Variants in CDK5RAP2 observed in about 807,000 individuals in gnomAD.
CDK5RAP2 encodes CDK5 regulatory subunit associated protein 2.
A neutral mutation model predicts 232.9 loss-of-function variants in CDK5RAP2; 147 were observed. The observed-to-expected ratio is 0.63, with a 90% CI of 0.55 to 0.72. The LOEUF is 0.72. Ranked by LOEUF, CDK5RAP2 falls within the 30% of genes least tolerant of loss-of-function variation. The pLI, the probability that CDK5RAP2 is intolerant of heterozygous loss-of-function variation, is 0.00. For missense variants in CDK5RAP2, 2,195 were observed against 2,231.5 expected (o/e 0.98, Z 0.33); for synonymous variants, 833 against 833.7 (o/e 1.00, Z 0.01).
intron 12 of CDK5RAP2, among the ~76,000 whole-genome samples, chr9:120,498,427 CA>C (rs966957159): frequency 2.0e-5 from 3 of 152,150 alleles, no homozygotes; most frequent in African/African-American, 7.2e-5. Context: ...TCATAAAAGA[CA>C]AAAGCTGAGC....
intron 3 of CDK5RAP2, among the ~76,000 whole-genome samples, chr9:120,555,714 A>G (rs1172699668): frequency 6.6e-6 from 1 of 152,246 alleles, no homozygotes; most frequent in African/African-American, 2.4e-5. Flanking sequence ...TATTTATCCT[A>G]GAGACATGAA....
chr9:120,401,240 AGCAATAAATGGTTT>A (rs2131261383), intron 34 of CDK5RAP2, among the ~76,000 whole-genome samples: 1 of 152,176 alleles, frequency 6.6e-6, no homozygotes, highest in South Asian at 2.1e-4. Context: ...ACCAACAGCA[AGCAATAAATGGTTT>A]GCCTTTACTG....
At chr9:120,389,615 A>G (rs1443585313) in intron 37 of CDK5RAP2, 126 bp downstream of exon 37, 10 of 910,386 alleles carry the variant, frequency 1.1e-5, no homozygotes, top group Non-Finnish European at 1.8e-5. Flanking sequence ...GCTGGCAGAA[A>G]CAACTCTCTG....
At chr9:120,409,464 T>C (rs975470213) in intron 29 of CDK5RAP2, 148 bp from the exon 30 acceptor site, 1 of 677,612 alleles carries the variant, frequency 1.5e-6, no homozygotes, top group Admixed American at 2.5e-5. Flanking sequence ...TTACACACTT[T>C]GGGCAGATAA....
intron 19 of CDK5RAP2, 94 bp downstream of exon 19, chr9:120,460,478 A>T: frequency 8.7e-7 from 1 of 1,152,634 alleles, no homozygotes; most frequent in Admixed American, 1.9e-5. Context: ...AGGCAGAATG[A>T]ACAGAAAACC....
chr9:120,441,792 G>A (rs2035913124), intron 23 of CDK5RAP2, among the ~76,000 whole-genome samples: 1 of 152,124 alleles, frequency 6.6e-6, no homozygotes. Flanking sequence ...TCCTAATACA[G>A]TATTTTTATT....
At chr9:120,471,579 G>A (rs947543924) in intron 16 of CDK5RAP2, among the ~76,000 whole-genome samples, 169 bp downstream of exon 16, 2 of 152,144 alleles carry the variant, frequency 1.3e-5, no homozygotes, top group Non-Finnish European at 2.9e-5. Context: ...AACTTACTGG[G>A]CTCTTCTACT....
intron 26 of CDK5RAP2, 79 bp from the exon 27 acceptor site, chr9:120,420,039 G>T (rs920896776): frequency 8.6e-7 from 1 of 1,161,200 alleles, no homozygotes; most frequent in Admixed American, 1.7e-5. Flanking sequence ...GAATACTTAC[G>T]ATTACTTTAC....
intron 22 of CDK5RAP2, among the ~76,000 whole-genome samples, chr9:120,446,775 C>A (rs982701179): frequency 1.3e-5 from 2 of 152,156 alleles, no homozygotes; most frequent in Non-Finnish European, 2.9e-5. Flanking sequence ...CCTTTGCCTT[C>A]TTCCTTCTTC....
At position 120,419,934 on chromosome 9, in the gene CDK5RAP2, T is replaced by C; in HGVS notation, c.4031A>G (p.Gln1344Arg). 1 of 1,614,058 alleles carries C rather than the reference T, an allele frequency of 6.2e-7. No individual in the cohort carries two copies. Among genetic ancestry groups the C allele is most frequent in the Non-Finnish European group, 8.5e-7 (1 of 1,179,914 alleles). ...CTCAGGAGATTCAGGCAGAAGATGT[T>C]GGTAGGTTAAGTTGTCTTCCTCAAT... ...ERIEEDNLTY[Q>R]HLLPESPEPS... Residue 1344 changes from glutamine (Q) to arginine (R), a missense_variant, in exon 27 of 38, where the codon CAA (glutamine) becomes CGA (arginine). Physicochemically the swap from Gln to Arg is conservative, Grantham distance 43. Coordinates refer to ENST00000349780, the MANE Select transcript of CDK5RAP2 (RefSeq NM_018249.6).
chr9:120,497,421 T>TAAAAAAAAAAAA lies in CDK5RAP2; in HGVS notation c.1312-5956_1312-5945dup, dbSNP rs71385064. ...AGAATTATCAATAAAAAAATAAATT[T>TAAAAAAAAAAAA]AAAAAAAAAAAAAAAAAAAAAAAAA... is the stretch of plus-strand genomic sequence containing the variant. On this transcript the variant is annotated intron_variant, in intron 12 of 37. Transcript: ENST00000349780. Among the ~76,000 whole-genome samples the TAAAAAAAAAAAA allele has an allele frequency of 7.3e-4, 17 of 23,292 alleles. 1 individual carries two copies. Among genetic ancestry groups the TAAAAAAAAAAAA allele is most frequent in the East Asian group, 6.3e-3 (1 of 158 alleles). The allele number at this position is 23,292 out of a possible 152,430, so 15.3% of individuals were successfully genotyped here.
chr9:120,491,318 C>T lies in CDK5RAP2; in HGVS notation c.1471G>A (p.Val491Met), dbSNP rs545667575. ...AAAAGTTACAGTACCTGAAGCAACA[C>T]GTCCTTCTGATTGGTACTTTCTGTT... ...HLTESTNQKD[V>M]LLQKFNEKDL... is the part of the protein sequence containing the mutation. The change falls in exon 13 of 38, where the codon GTG (valine) becomes ATG (methionine). Residue 491 changes from valine (V) to methionine (M), a missense_variant. Val to Met is a conservative substitution (Grantham distance 21). Coordinates refer to ENST00000349780, the MANE Select transcript of CDK5RAP2 (RefSeq NM_018249.6). The T allele has an allele frequency of 1.4e-5, 22 of 1,612,808 alleles. No individual in the cohort carries two copies. Among genetic ancestry groups the T allele is most frequent in the Admixed American group, 6.7e-5 (4 of 60,018 alleles).
chr9:120,419,070 C>A (rs915957361), intron 27 of CDK5RAP2, among the ~76,000 whole-genome samples: 2 of 152,158 alleles, frequency 1.3e-5, no homozygotes, highest in African/African-American at 4.8e-5. Context: ...AGAGCCCTCA[C>A]AGTGAGATCA....
At chr9:120,487,150 A>G (rs537608142) in intron 14 of CDK5RAP2, 144 bp downstream of exon 14, 5 of 849,756 alleles carry the variant, frequency 5.9e-6, no homozygotes, top group Non-Finnish European at 8.0e-6. Flanking sequence ...TGGTAGGCTA[A>G]GAACTCCTCC....
chr9:120,457,330 C>T (rs1447767546), intron 20 of CDK5RAP2, among the ~76,000 whole-genome samples: 2 of 152,208 alleles, frequency 1.3e-5, no homozygotes, highest in African/African-American at 4.8e-5. Flanking sequence ...CTGCACTCTC[C>T]CTGGTTCACA....
rs1274331164 is a variant in CDK5RAP2, at chr9:120,512,370, TACTC to T, written c.1311+6053_1311+6056del. On this transcript the variant is annotated intron_variant, in intron 12 of 37. Coordinates refer to ENST00000349780, the MANE Select transcript of CDK5RAP2 (RefSeq NM_018249.6). ...TCTCAAATGAATTAATTAATTAAAA[TACTC>T]ACTCTACTTCCATTTTGCTAGTCAC... Among the ~76,000 whole-genome samples the T allele has an allele frequency of 2.6e-5, 4 of 152,296 alleles. No homozygotes were observed. In the East Asian group the frequency reaches 7.7e-4, roughly 29 times the overall value.
At chr9:120,510,011 A>G (rs1288931819) in intron 12 of CDK5RAP2, among the ~76,000 whole-genome samples, 1 of 152,154 alleles carries the variant, frequency 6.6e-6, no homozygotes. Context: ...TTTGGCCATT[A>G]GTAAAAAATA....
chr9:120,576,458 T>G (rs966140533), intron 1 of CDK5RAP2, among the ~76,000 whole-genome samples: 15 of 152,206 alleles, frequency 9.9e-5, no homozygotes, highest in Admixed American at 5.9e-4. Context: ...ACCCAGCACT[T>G]TGGGAGGCCA....
In CDK5RAP2 at chr9:120,502,423, T is replaced by C. The variant is rs112963495; in HGVS notation, c.1312-10946A>G. Among the ~76,000 whole-genome samples, 298 of 152,324 alleles carry C rather than the reference T, an allele frequency of 2.0e-3. 2 individuals carry two copies. The highest frequency in any genetic ancestry group is 6.8e-3 in the African/African-American group (284 of 41,564). On this transcript the variant is annotated intron_variant, in intron 12 of 37. Coordinates refer to ENST00000349780, the MANE Select transcript of CDK5RAP2 (RefSeq NM_018249.6). ...TACAAACGACTATCAGAACCATATT[T>C]TGATGTCTGGTTCAAGTTCCAGTGT...
Sources: allele counts gnomAD v4.1 joint callset (sites outside exome capture counted in the v4.1 genomes callset), GRCh38; gene constraint gnomAD v4.1.1; transcripts MANE v1.5; gene names NCBI Gene and HGNC (gene_info 2026-07-23, HGNC 2026-07-21).